UBTD2: variants seen among roughly 807,000 people sequenced by gnomAD.
UBTD2 encodes the protein ubiquitin domain containing 2.
UBTD2 carries 9 observed loss-of-function variants against 19.8 expected under a neutral mutation model. The ratio of observed to expected loss-of-function variants is 0.46; its 90% confidence interval spans 0.27 to 0.79. The LOEUF (loss-of-function observed/expected upper bound fraction) is 0.79, where lower values mean the gene tolerates loss of function less well. Ranked by LOEUF, UBTD2 falls within the 30% of genes least tolerant of loss-of-function variation. The pLI is 0.14. For synonymous variants in UBTD2, 98 were observed against 103.9 expected (o/e 0.94, Z 0.35); for missense variants, 250 against 300.4 (o/e 0.83, Z 1.24).
chr5:172,264,310 G>T (rs1755328947), intron 1 of UBTD2, among the ~76,000 whole-genome samples: 1 of 152,018 alleles, frequency 6.6e-6, no homozygotes, highest in African/African-American at 2.4e-5. Context: ...ACTTTGGGAG[G>T]CTGAGGCGGG....
At position 172,227,865 on chromosome 5, in the gene UBTD2, G is replaced by C. The variant is rs182204916; in HGVS notation, c.307+6257C>G. On this transcript the variant is annotated intron_variant, in intron 2 of 2. Coordinates refer to ENST00000393792, the MANE Select transcript of UBTD2 (RefSeq NM_152277.3). ...CCGGCTAATTTTTGTATTTTTAGTA[G>C]AGACGGGGTTTCGCCATGTTGGCTA... Among the ~76,000 whole-genome samples, 344 of 151,654 alleles carry C rather than the reference G, an allele frequency of 2.3e-3. 6 individuals are homozygous for C. Among genetic ancestry groups the C allele is most frequent in the Admixed American group, 0.017 (266 of 15,244 alleles).
In UBTD2 at chr5:172,227,662, C is replaced by CGTGAGCCACCATGCCTGGCCAAAT. The variant is rs1561852086; in HGVS notation, c.307+6436_307+6459dup. ...CCTCCCAAAGTGCTGGGATTATAGG[C>CGTGAGCCACCATGCCTGGCCAAAT]GTGAGCCACCATGCCTGGCCAAATG... On this transcript the variant is annotated intron_variant, in intron 2 of 2. Coordinates refer to ENST00000393792, the MANE Select transcript of UBTD2 (RefSeq NM_152277.3). Among the ~76,000 whole-genome samples the CGTGAGCCACCATGCCTGGCCAAAT allele has an allele frequency of 2.1e-5, 3 of 145,942 alleles. No individual in the cohort carries two copies. The East Asian group carries it at 6.2e-4, about 30-fold the overall frequency.
At chr5:172,228,790 T>G (rs1771830328) in intron 2 of UBTD2, among the ~76,000 whole-genome samples, 1 of 152,126 alleles carries the variant, frequency 6.6e-6, no homozygotes, top group South Asian at 2.1e-4. Flanking sequence ...TTGCTGATTC[T>G]CAGTCCAGTG....
intron 1 of UBTD2, among the ~76,000 whole-genome samples, chr5:172,273,345 C>A (rs538600273): frequency 1.3e-5 from 2 of 152,152 alleles, no homozygotes; most frequent in Admixed American, 6.5e-5. Flanking sequence ...AATCCCAGCA[C>A]TTTGGGAAGC....
At chr5:172,281,243 G>T (rs966840699) in intron 1 of UBTD2, among the ~76,000 whole-genome samples, 6 of 152,172 alleles carry the variant, frequency 3.9e-5, no homozygotes, top group Non-Finnish European at 8.8e-5. Flanking sequence ...TAAATCCGTT[G>T]TAAGAAGCAT....
intron 2 of UBTD2, among the ~76,000 whole-genome samples, chr5:172,212,989 G>A (rs1771479187): frequency 7.3e-6 from 1 of 137,740 alleles, no homozygotes; most frequent in African/African-American, 2.7e-5. Context: ...CTTAGTACCT[G>A]GACTTCTTTC....
At chr5:172,274,452 C>T (rs1755567245) in intron 1 of UBTD2, among the ~76,000 whole-genome samples, 1 of 151,880 alleles carries the variant, frequency 6.6e-6, no homozygotes, top group African/African-American at 2.4e-5. Flanking sequence ...TTACTCTTTA[C>T]TATTGGCACA....
At chr5:172,263,767 T>G (rs767692691) in intron 1 of UBTD2, among the ~76,000 whole-genome samples, 2 of 151,978 alleles carry the variant, frequency 1.3e-5, no homozygotes, top group African/African-American at 2.4e-5. Context: ...CACTCCAGCC[T>G]GGGGGACAGA....
At chr5:172,251,322 A>AAAAAAAAAG (rs1167001796) in intron 1 of UBTD2, among the ~76,000 whole-genome samples, 8 of 151,604 alleles carry the variant, frequency 5.3e-5, no homozygotes, top group Non-Finnish European at 1.0e-4. Flanking sequence ...CTCAAAAAAA[A>AAAAAAAAAG]AAAAGAAAAT....
At position 172,283,064 on chromosome 5, in the gene UBTD2, C is replaced by G. The variant is rs1755751576; in HGVS notation, c.70+532G>C. 6.6e-6 allele frequency among the ~76,000 whole-genome samples: 1 copy of G among 152,128 alleles called. No homozygotes were observed. ...TGCGGCCACTGGAGACTCCTCCAGCCGAGCTCCAGAAACTCGCAGGTTTAA... is the reference window on the plus strand; with the variant it reads ...TGCGGCCACTGGAGACTCCTCCAGCGGAGCTCCAGAAACTCGCAGGTTTAA... On this transcript the variant is annotated intron_variant, in intron 1 of 2. Transcript: ENST00000393792. The surrounding 1 kb of genome is among the most constrained non-coding windows in gnomAD (Gnocchi z 4.3).
chr5:172,221,280 G>C (rs1476921507), intron 2 of UBTD2, among the ~76,000 whole-genome samples: 1 of 152,114 alleles, frequency 6.6e-6, no homozygotes, highest in African/African-American at 2.4e-5. Flanking sequence ...ATGGTGGGAG[G>C]ATGGCTTGAG....
chr5:172,259,896 T>A (rs1434857551), intron 1 of UBTD2, among the ~76,000 whole-genome samples: 2 of 151,558 alleles, frequency 1.3e-5, no homozygotes, highest in African/African-American at 4.9e-5. Context: ...CTACTGAAAA[T>A]ACAAAAATTA....
chr5:172,237,207 C>A (rs188099598), intron 1 of UBTD2, among the ~76,000 whole-genome samples: 144 of 152,306 alleles, frequency 9.5e-4, no homozygotes, highest in African/African-American at 3.3e-3. Context: ...GATTCTCCTG[C>A]CTCAGCCTCT....
intron 1 of UBTD2, among the ~76,000 whole-genome samples, chr5:172,273,908 C>T (rs1056914270): frequency 6.6e-6 from 1 of 151,944 alleles, no homozygotes; most frequent in East Asian, 1.9e-4. Flanking sequence ...TTTTTGGTCC[C>T]CTCCCTACAA....
Position 172,283,543 on chromosome 5 carries a change from G to C in UBTD2, c.70+53C>G, listed in dbSNP as rs546679640. On this transcript the variant is annotated intron_variant, in intron 1 of 2. Transcript: ENST00000393792. The surrounding 1 kb of genome is among the most constrained non-coding windows in gnomAD (Gnocchi z 4.3). ...CCCGCGGGGGTCGGGACAGGTGGCCGGGCCTGGCCGGGAACAATGGGGGGC... is the reference window on the plus strand; with the variant it reads ...CCCGCGGGGGTCGGGACAGGTGGCCCGGCCTGGCCGGGAACAATGGGGGGC... The C allele has an allele frequency of 2.9e-5, 36 of 1,254,722 alleles. No homozygotes were observed. Among genetic ancestry groups the C allele is most frequent in the Non-Finnish European group, 3.1e-5 (31 of 991,168 alleles). The allele number at this position is 1,254,722 out of a possible 1,614,324, so 77.7% of individuals were successfully genotyped here. A position where few individuals can be genotyped will look rare whatever the true frequency, so the allele number is the denominator to read the frequency against.
At chr5:172,235,790 G>A (rs574272812) in intron 1 of UBTD2, among the ~76,000 whole-genome samples, 1 of 152,220 alleles carries the variant, frequency 6.6e-6, no homozygotes, top group South Asian at 2.1e-4. Flanking sequence ...CTATAGATAG[G>A]GAATAGTTTG....
intron 1 of UBTD2, among the ~76,000 whole-genome samples, chr5:172,261,701 T>C (rs889978316): frequency 6.6e-6 from 1 of 152,044 alleles, no homozygotes; most frequent in Admixed American, 6.5e-5. Flanking sequence ...CTCGGCTCAC[T>C]GCAACCTCTG....
At chr5:172,230,458 G>A (rs932179013) in intron 2 of UBTD2, among the ~76,000 whole-genome samples, 1 of 152,188 alleles carries the variant, frequency 6.6e-6, no homozygotes, top group Non-Finnish European at 1.5e-5. Context: ...TTTATTAAGT[G>A]CTTTTTGGAT....
At chr5:172,246,918 G>A (rs1273718828) in intron 1 of UBTD2, among the ~76,000 whole-genome samples, 1 of 151,284 alleles carries the variant, frequency 6.6e-6, no homozygotes, top group African/African-American at 2.4e-5. Flanking sequence ...ACCATTCCCT[G>A]CTAATTGTTG....
Sources: allele counts gnomAD v4.1 joint callset (sites outside exome capture counted in the v4.1 genomes callset), GRCh38; gene constraint gnomAD v4.1.1; non-coding constraint Gnocchi (gnomAD v3.1); transcripts MANE v1.5; gene names NCBI Gene and HGNC (gene_info 2026-07-23, HGNC 2026-07-21).